Variants in SLTM observed in about 807,000 individuals in gnomAD.
SLTM encodes SAFB like transcription modulator.
In SLTM, 43 loss-of-function variants were observed where a neutral mutation model predicts 134.6. The observed-to-expected ratio is 0.32, with a 90% CI of 0.25 to 0.41. SLTM has a LOEUF of 0.41. Ranked by LOEUF, SLTM falls within the 10% of genes least tolerant of loss-of-function variation. The pLI is 1.00. For synonymous variants in SLTM, 424 were observed against 432.3 expected (o/e 0.98, Z 0.24); for missense variants, 1,055 against 1,288.8 (o/e 0.82, Z 2.78).
At chr15:58,880,987 T>C (rs796924442) in intron 20 of SLTM, among the ~76,000 whole-genome samples, 5 of 152,248 alleles carry the variant, frequency 3.3e-5, no homozygotes, top group African/African-American at 1.2e-4. Flanking sequence ...AGAGCAGATG[T>C]TAGTAACACA....
intron 8 of SLTM, 29 bp downstream of exon 8, chr15:58,898,774 T>C: frequency 6.5e-7 from 1 of 1,540,074 alleles, no homozygotes; most frequent in Non-Finnish European, 8.9e-7. Context: ...ATGTCAACAC[T>C]GAAATAAATA....
intron 14 of SLTM, among the ~76,000 whole-genome samples, 164 bp from the exon 15 acceptor site, chr15:58,890,625 C>G (rs1428420513): frequency 2.0e-5 from 3 of 152,236 alleles, no homozygotes; most frequent in African/African-American, 4.8e-5. Context: ...AAACTTTAAA[C>G]AGATCCCAAT....
rs2034300172 is a variant in SLTM, at chr15:58,887,322, G to C, written c.2594C>G (p.Thr865Ser). Residue 865 changes from threonine to serine, a missense_variant, in exon 18 of 21, where the codon ACT becomes AGT. This residue lies in a region of SLTM where 776 missense variants were observed against 962.2 expected (regional missense o/e 0.81). Transcript: ENST00000380516. Reference protein sequence around the residue: ...TVIIHDRPDITHPRHPREAGP... With the variant: ...TVIIHDRPDISHPRHPREAGP... ...TGCCTCTCGAGGATGTCTAGGATGA[G>C]TGATATCAGGCCTGTCATGAATAAT... The C allele has an allele frequency of 1.2e-6, 2 of 1,613,962 alleles. No individual in the cohort carries two copies. The highest frequency in any genetic ancestry group is 1.6e-4 in the Middle Eastern group (1 of 6,084).
At chr15:58,912,473 G>A in intron 5 of SLTM, 90 bp downstream of exon 5, 1 of 1,077,638 alleles carries the variant, frequency 9.3e-7, no homozygotes, top group Non-Finnish European at 1.4e-6. Context: ...ACAGTTATAT[G>A]AATTAAAGAA....
intron 19 of SLTM, among the ~76,000 whole-genome samples, chr15:58,885,715 C>T (rs1228738413): frequency 1.3e-5 from 2 of 151,836 alleles, no homozygotes; most frequent in Admixed American, 1.3e-4. Context: ...ACCTGGGAGG[C>T]GGAGGTTGCC....
At chr15:58,892,659 T>C (rs764621301) in intron 14 of SLTM, among the ~76,000 whole-genome samples, 1 of 152,178 alleles carries the variant, frequency 6.6e-6, no homozygotes, top group Non-Finnish European at 1.5e-5. Context: ...TTTTTTTCAA[T>C]TGTATAATGG....
intron 19 of SLTM, among the ~76,000 whole-genome samples, chr15:58,886,212 A>C (rs2034171541): frequency 1.3e-5 from 2 of 148,640 alleles, no homozygotes; most frequent in African/African-American, 5.0e-5. Context: ...GCAGGAGAAA[A>C]AGAAGAGTGT....
rs1333199177 is a variant in SLTM, at chr15:58,901,187, TAAG to T, written c.589+70_589+72del. The T allele has an allele frequency of 1.3e-5, 14 of 1,104,354 alleles. 1 individual carries two copies. The highest frequency in any genetic ancestry group is 1.2e-4 in the South Asian group (9 of 72,360). The allele number at this position is 1,104,354 out of a possible 1,614,324, so 68.4% of individuals were successfully genotyped here. On this transcript the variant is annotated intron_variant, in intron 6 of 20. Transcript: ENST00000380516. ...CTAATTTCAAAAATAAGATTTCAAA[TAAG>T]GAGTGCTTTTTACATAATTTACTGT...
At chr15:58,919,669 C>T (rs1342603890) in intron 2 of SLTM, among the ~76,000 whole-genome samples, 1 of 152,126 alleles carries the variant, frequency 6.6e-6, no homozygotes, top group African/African-American at 2.4e-5. Flanking sequence ...CTCTCCCATA[C>T]ACACTCACCA....
chr15:58,880,211 C>T (rs948696796), intron 20 of SLTM, 104 bp from the exon 21 acceptor site: 1 of 1,430,558 alleles, frequency 7.0e-7, no homozygotes, highest in Non-Finnish European at 9.3e-7. Context: ...AAATCATTTA[C>T]TCTTTTCAAC....
chr15:58,883,389 A>G (rs906661619), intron 20 of SLTM: 9 of 520,616 alleles, frequency 1.7e-5, no homozygotes, highest in Non-Finnish European at 2.8e-5. Flanking sequence ...ACCCATATCT[A>G]TATCAACTTG....
At chr15:58,922,566 ATATATATT>A (rs1567158385) in intron 2 of SLTM, among the ~76,000 whole-genome samples, 9 of 137,390 alleles carry the variant, frequency 6.6e-5, no homozygotes, top group African/African-American at 2.3e-4. Flanking sequence ...TATGTATATA[ATATATATT>A]ATATACGTAT....
chr15:58,879,784 A>T lies in SLTM; in HGVS notation c.*215T>A, dbSNP rs1403455923. On this transcript the variant is annotated 3_prime_UTR_variant, in exon 21 of 21. Transcript: ENST00000380516. ...TTCAAATGTGCCTCGGTGCTGCAAG[A>T]AAAAAAGTTGAATGATACACAAAAC... is the stretch of plus-strand genomic sequence containing the variant. 1.9e-6 allele frequency: 1 copy of T among 525,132 alleles called. No homozygotes were observed. Among genetic ancestry groups the T allele is most frequent in the Admixed American group, 3.8e-5 (1 of 26,228 alleles). 32.5% of individuals were successfully genotyped at this position (525,132 alleles called of 1,614,324 possible).
chr15:58,922,048 C>T (rs2037087370), intron 2 of SLTM, among the ~76,000 whole-genome samples: 1 of 152,038 alleles, frequency 6.6e-6, no homozygotes, highest in Admixed American at 6.6e-5. Flanking sequence ...TGAAAAAACA[C>T]TTCCCCTCCA....
intron 2 of SLTM, among the ~76,000 whole-genome samples, chr15:58,930,976 G>A (rs2037838507): frequency 6.6e-6 from 1 of 151,936 alleles, no homozygotes. Context: ...AACAACCTGG[G>A]ACTATGATTA....
intron 1 of SLTM, among the ~76,000 whole-genome samples, 195 bp downstream of exon 1, chr15:58,933,209 C>G (rs2038011005): frequency 6.6e-6 from 1 of 151,654 alleles, no homozygotes; most frequent in Non-Finnish European, 1.5e-5. Context: ...CCCGGCCCGG[C>G]CCGGGGCGCG....
At chr15:58,887,872 G>A (rs976187535) in intron 17 of SLTM, among the ~76,000 whole-genome samples, 5 of 152,092 alleles carry the variant, frequency 3.3e-5, no homozygotes, top group African/African-American at 1.2e-4. Flanking sequence ...AAGAAGAGGC[G>A]GGGAGTGGTG....
chr15:58,927,562 G>A (rs1487608954), intron 2 of SLTM, among the ~76,000 whole-genome samples: 3 of 152,144 alleles, frequency 2.0e-5, no homozygotes, highest in African/African-American at 4.8e-5. Context: ...TGAGCCATGC[G>A]CCTGGCCCAA....
intron 5 of SLTM, among the ~76,000 whole-genome samples, chr15:58,905,071 T>G (rs2035778738): frequency 6.6e-6 from 1 of 152,184 alleles, no homozygotes; most frequent in South Asian, 2.1e-4. Context: ...CTTGAACTCC[T>G]GGCCTCAAGT....
Sources: allele counts gnomAD v4.1 joint callset (sites outside exome capture counted in the v4.1 genomes callset), GRCh38; gene constraint gnomAD v4.1.1; regional missense constraint gnomAD v4.1.1; transcripts MANE v1.5; gene names NCBI Gene and HGNC (gene_info 2026-07-23, HGNC 2026-07-21).